Variants in CSMD1 observed in about 807,000 individuals in gnomAD.
The protein encoded by CSMD1 is CUB and sushi domain-containing protein 1.
CSMD1 carries 213 observed loss-of-function variants against 417.5 expected under a neutral mutation model. The observed-to-expected ratio is 0.51, with a 90% confidence interval of 0.46 to 0.57. The LOEUF is 0.57. Ranked by LOEUF, CSMD1 falls within the 20% of genes least tolerant of loss-of-function variation. CSMD1 has a pLI of 0.00. For missense variants in CSMD1, 6,923 were observed against 4,529.7 expected, an observed-to-expected ratio of 1.53 and a Z score of -15.17; for synonymous variants, 2,862 against 1,736.8, an observed-to-expected ratio of 1.65 and a Z score of -16.11.
rs145372045 is a variant in CSMD1 at position 4,292,981 on chromosome 8, A to T, written c.415+126972T>A. On this transcript the variant is annotated intron_variant, in intron 3 of 69. Coordinates refer to ENST00000635120, the MANE Select transcript of CSMD1 (RefSeq NM_033225.6). ...CACTCCAGAGGCAAAAGACGTGAACAGTCTCTTTTCTTCAGGTGCAGAGGG... is the reference window on the plus strand; with the variant it reads ...CACTCCAGAGGCAAAAGACGTGAACTGTCTCTTTTCTTCAGGTGCAGAGGG... Among the ~76,000 whole-genome samples, 924 of 152,342 alleles carry T rather than the reference A, an allele frequency of 6.1e-3. 5 individuals carry two copies. The highest frequency in any genetic ancestry group is 0.01 in the Middle Eastern group (3 of 294).
chr8:3,818,487 T>C (rs1401641897), intron 5 of CSMD1, among the ~76,000 whole-genome samples: 2 of 152,158 alleles, frequency 1.3e-5, no homozygotes, highest in Non-Finnish European at 2.9e-5. Flanking sequence ...CTAAATGCTT[T>C]CTTAGGCATG....
At chr8:3,834,465 C>T (rs1250756250) in intron 5 of CSMD1, among the ~76,000 whole-genome samples, 1 of 152,186 alleles carries the variant, frequency 6.6e-6, no homozygotes, top group Admixed American at 6.6e-5. Context: ...GGCAGTGCTC[C>T]ATGTGTGTTG....
rs75176648 is a variant in CSMD1 at position 3,712,326 on chromosome 8, C to G, written c.932-3835G>C. ...ACACCCTTCCCTCGCCTCTTCCTCC[C>G]TCCAACTGCCCTCAGAGCTGAGCAG... On this transcript the variant is annotated intron_variant, in intron 6 of 69. Transcript: ENST00000635120. Among the ~76,000 whole-genome samples the G allele has an allele frequency of 7.7e-3, 1,168 of 152,082 alleles. 41 individuals are homozygous for G. The East Asian group carries it at 0.12, about 16-fold the overall frequency.
chr8:4,257,712 G>A (rs1049150329), intron 3 of CSMD1, among the ~76,000 whole-genome samples: 20 of 152,248 alleles, frequency 1.3e-4, no homozygotes, highest in African/African-American at 4.6e-4. Context: ...CAGTGTCACT[G>A]GGTACCAAAT....
chr8:3,065,048 T>A (rs1812829299), intron 49 of CSMD1, among the ~76,000 whole-genome samples: 1 of 152,090 alleles, frequency 6.6e-6, no homozygotes, highest in African/African-American at 2.4e-5. Flanking sequence ...ACTTTTTACT[T>A]AATGGAAAAA....
chr8:3,882,879 G>A (rs188954876), intron 5 of CSMD1, among the ~76,000 whole-genome samples: 11 of 152,288 alleles, frequency 7.2e-5, no homozygotes, highest in Non-Finnish European at 1.5e-4. Flanking sequence ...AGTTGGGACT[G>A]ACGATTTCAA....
chr8:4,026,587 T>C (rs1252170639), intron 4 of CSMD1, among the ~76,000 whole-genome samples: 1 of 152,220 alleles, frequency 6.6e-6, no homozygotes, highest in Non-Finnish European at 1.5e-5. Context: ...CACAAGGAAC[T>C]AAGGACACTG....
intron 10 of CSMD1, among the ~76,000 whole-genome samples, chr8:3,522,837 G>C (rs186159631): frequency 2.0e-5 from 3 of 150,216 alleles, no homozygotes; most frequent in African/African-American, 4.9e-5. Context: ...CATATAATTT[G>C]TTAGATATAT....
intron 3 of CSMD1, among the ~76,000 whole-genome samples, chr8:4,146,444 G>T (rs1296945881): frequency 6.6e-6 from 1 of 150,506 alleles, no homozygotes. Context: ...ATGTGTCTCA[G>T]CAGTAAGTGT....
intron 1 of CSMD1, chr8:4,788,452 A>G: frequency 5.3e-6 from 7 of 1,325,496 alleles, no homozygotes; most frequent in Non-Finnish European, 6.5e-6. Context: ...TTTCTCCAGA[A>G]GGATCAGCTC....
chr8:3,410,438 T>C (rs945922955), intron 12 of CSMD1, among the ~76,000 whole-genome samples: 42 of 152,218 alleles, frequency 2.8e-4, no homozygotes, highest in African/African-American at 8.9e-4. Context: ...TGGGAGGTAA[T>C]TGATCATGGG....
At chr8:4,829,182 TC>T (rs1799998589) in intron 1 of CSMD1, among the ~76,000 whole-genome samples, 1 of 152,222 alleles carries the variant, frequency 6.6e-6, no homozygotes, top group South Asian at 2.1e-4. Flanking sequence ...ATGTAATTTC[TC>T]CTTTCAATCT....
At chr8:4,931,297 G>C (rs1051083375) in intron 1 of CSMD1, among the ~76,000 whole-genome samples, 11 of 152,068 alleles carry the variant, frequency 7.2e-5, no homozygotes, top group African/African-American at 2.7e-4. Context: ...CTTCTGATCA[G>C]GACATAGTTC....
chr8:4,771,559 A>C (rs1796598241), intron 1 of CSMD1, among the ~76,000 whole-genome samples: 2 of 152,222 alleles, frequency 1.3e-5, no homozygotes, highest in African/African-American at 4.8e-5. Flanking sequence ...ACTCTAAGGA[A>C]CGAAATCCTG....
At chr8:4,304,860 A>C (rs1461621203) in intron 3 of CSMD1, among the ~76,000 whole-genome samples, 1 of 152,216 alleles carries the variant, frequency 6.6e-6, no homozygotes, top group Non-Finnish European at 1.5e-5. Flanking sequence ...ATTTCACCTT[A>C]ATCATTTCAC....
At chr8:3,334,435 A>T (rs897545185) in intron 23 of CSMD1, among the ~76,000 whole-genome samples, 5 of 152,180 alleles carry the variant, frequency 3.3e-5, no homozygotes, top group Non-Finnish European at 7.3e-5. Flanking sequence ...CATTTATAGT[A>T]GTATGTTTAA....
At chr8:4,277,540 C>T (rs1023395364) in intron 3 of CSMD1, among the ~76,000 whole-genome samples, 1 of 152,026 alleles carries the variant, frequency 6.6e-6, no homozygotes, top group African/African-American at 2.4e-5. Flanking sequence ...AGAGAGTTTT[C>T]TTGAAATTAT....
At position 3,974,253 on chromosome 8, in the gene CSMD1, A is replaced by G. The variant is rs1042908345; in HGVS notation, c.818+23650T>C. ...TTTTTAAATAATATAATTATCTTAAATAATTATTTTTCTTTGATTTTTAAA... is the reference window on the plus strand; with the variant it reads ...TTTTTAAATAATATAATTATCTTAAGTAATTATTTTTCTTTGATTTTTAAA... On this transcript the variant is annotated intron_variant, in intron 5 of 69. Coordinates refer to ENST00000635120, the MANE Select transcript of CSMD1 (RefSeq NM_033225.6). Among the ~76,000 whole-genome samples, 5 of 151,878 alleles carry G rather than the reference A, an allele frequency of 3.3e-5. No homozygotes were observed. In the East Asian group the frequency reaches 9.6e-4, roughly 29 times the overall value.
At chr8:4,541,720 G>C (rs1205449912) in intron 2 of CSMD1, among the ~76,000 whole-genome samples, 1 of 152,072 alleles carries the variant, frequency 6.6e-6, no homozygotes, top group African/African-American at 2.4e-5. Context: ...GGGTGACAGA[G>C]TGAGACCCTG....
Sources: gnomAD v4.1 joint callset for allele counts (sites outside exome capture counted in the v4.1 genomes callset) on GRCh38, gnomAD v4.1.1 for gene constraint, MANE v1.5 for transcripts, NCBI Gene and HGNC (gene_info 2026-07-23, HGNC 2026-07-21) for gene names.